The following PALM3 variants were observed in gnomAD, a reference collection of about 807,000 sequenced individuals.
The protein encoded by PALM3 is paralemmin 3.
PALM3 carries 20 observed loss-of-function variants against 27.9 expected under a neutral mutation model. That is an observed-to-expected ratio of 0.72 (90% CI 0.50 to 1.04). PALM3 has a LOEUF of 1.04. PALM3 is among the 50% of genes least tolerant of loss of function. The pLI, the probability that PALM3 is intolerant of heterozygous loss-of-function variation, is 0.00. For synonymous variants in PALM3, 328 were observed against 352.7 expected (o/e 0.93, Z 0.79); for missense variants, 814 against 869.4 (o/e 0.94, Z 0.80).
chr19:14,057,664 C>T lies in PALM3; in HGVS notation c.91-233G>A, dbSNP rs1403202184. Reference sequence around the variant, plus strand: ...GGGGGGGGCGGGGCGGGGGCGGGGCCGGCCGCGCCCGGGATGCTGCGGAGG... The same window carrying T: ...GGGGGGGGCGGGGCGGGGGCGGGGCTGGCCGCGCCCGGGATGCTGCGGAGG... On this transcript the variant is annotated intron_variant, in intron 2 of 6. Transcript: ENST00000669674. 4.3e-5 allele frequency: 7 copies of T among 161,678 alleles called. No individual in the cohort carries two copies. The Admixed American group carries it at 4.4e-4, about 10-fold the overall frequency. The allele number at this position is 161,678 out of a possible 1,614,324, so 10.0% of individuals were successfully genotyped here. A position where few individuals can be genotyped will look rare whatever the true frequency, so the allele number is the denominator to read the frequency against.
Position 14,053,681 on chromosome 19 carries a change from T to G in PALM3, c.1991A>C (p.Glu664Ala). Residue 664 changes from glutamate (E) to alanine (A), a missense_variant, in exon 7 of 7, where the codon GAG (glutamate) becomes GCG (alanine). Physicochemically the swap from Glu to Ala is moderately radical, Grantham distance 107. Transcript: ENST00000669674. The part of the protein sequence containing the change: ...VPTYAPARQP[E>A]PSAPTEGEEA... ...TTCACCCTCGGTGGGGGCAGATGGCTCAGGCTGCCGGGCAGGCGCGTAGGT... is the reference window on the plus strand; with the variant it reads ...TTCACCCTCGGTGGGGGCAGATGGCGCAGGCTGCCGGGCAGGCGCGTAGGT... 2 of 1,484,526 alleles carry G rather than the reference T, an allele frequency of 1.3e-6. No individual in the cohort carries two copies. The highest frequency in any genetic ancestry group is 1.8e-6 in the Non-Finnish European group (2 of 1,118,126). The allele number at this position is 1,484,526 out of a possible 1,614,324, so 92.0% of individuals were successfully genotyped here.
intron 1 of PALM3, among the ~76,000 whole-genome samples, chr19:14,060,116 G>T (rs1367962717): frequency 6.6e-6 from 1 of 152,008 alleles, no homozygotes; most frequent in Non-Finnish European, 1.5e-5. Context: ...TATCTAGAAA[G>T]CGATGTCTCT....
Position 14,053,879 on chromosome 19 carries a change from C to A in PALM3, c.1793G>T (p.Gly598Val). ...EGPQPQEKPV[G>V]ALEEEGVKPQ... ...CTTCACTCCTTCCTCCTCCAGGGCT[C>A]CTACTGGCTTCTCCTGGGGCTGGGG... is the stretch of plus-strand genomic sequence containing the variant. Residue 598 changes from glycine (G) to valine (V), a missense_variant, in exon 7 of 7, where the codon GGA becomes GTA. By Grantham distance (109) the Gly-to-Val change is moderately radical. Transcript: ENST00000669674. 6.4e-7 allele frequency: 1 copy of A among 1,551,630 alleles called. No homozygotes were observed. The highest frequency in any genetic ancestry group is 1.4e-5 in the African/African-American group (1 of 73,118).
Position 14,055,308 on chromosome 19 carries a change from C to A in PALM3, c.445+72G>T. The A allele has an allele frequency of 3.5e-6, 5 of 1,411,480 alleles. No individual in the cohort carries two copies. The South Asian group carries it at 6.5e-5, about 18-fold the overall frequency. The allele number at this position is 1,411,480 out of a possible 1,614,324, so 87.4% of individuals were successfully genotyped here. ...AACAAAAGGACTGCCATCCACACTC[C>A]CCTTGAGTCACCCTCTCACACCCAG... On this transcript the variant is annotated intron_variant, in intron 6 of 6. Coordinates refer to ENST00000669674, the MANE Select transcript of PALM3 (RefSeq NM_001145028.2).
chr19:14,054,509 TCTC>T lies in PALM3; in HGVS notation c.1160_1162del (p.Gly387del), dbSNP rs1448413636. 3 of 1,550,974 alleles carry T rather than the reference TCTC, an allele frequency of 1.9e-6. No homozygotes were observed. The highest frequency in any genetic ancestry group is 2.4e-5 in the South Asian group (2 of 83,960). On this transcript the variant is annotated inframe_deletion, in exon 7 of 7. Transcript: ENST00000669674. Reference sequence around the variant, plus strand: ...CCCCTCGGCCCCCAGCGGGCTTTCATCTCCTCTCTCCCTCCCTGCCACCTCGGG... The same window carrying T: ...CCCCTCGGCCCCCAGCGGGCTTTCATCTCTCTCCCTCCCTGCCACCTCGGG...
At position 14,057,878 on chromosome 19, in the gene PALM3, C is replaced by G. The variant is rs557255116; in HGVS notation, c.91-447G>C. Among the ~76,000 whole-genome samples the G allele has an allele frequency of 6.6e-4, 100 of 152,210 alleles. 1 individual carries two copies. The South Asian group carries it at 7.9e-3, about 12-fold the overall frequency. ...ATCCCAGGACTTTGGGAGACCGAGG[C>G]GGACAGATCGCTTGAGGTCAGGAGT... is the stretch of plus-strand genomic sequence containing the variant. On this transcript the variant is annotated intron_variant, in intron 2 of 6. Coordinates refer to ENST00000669674, the MANE Select transcript of PALM3 (RefSeq NM_001145028.2).
Position 14,062,010 on chromosome 19 carries a change from C to T in PALM3, c.-30G>A, listed in dbSNP as rs996253338. ...GCCCAGAAGTTCACTTTCTGGTCTC[C>T]GAGTTCTGGACCCACCACCCGCTTG... On this transcript the variant is annotated 5_prime_UTR_variant, in exon 1 of 7. Transcript: ENST00000669674. The T allele has an allele frequency of 1.7e-4, 165 of 985,156 alleles. 1 individual carries two copies. In the African/African-American group the frequency reaches 2.2e-3, roughly 13 times the overall value. The allele number at this position is 985,156 out of a possible 1,614,324, so 61.0% of individuals were successfully genotyped here.
At chr19:14,056,068 C>T (rs546168548) in intron 5 of PALM3, among the ~76,000 whole-genome samples, 81 of 152,250 alleles carry the variant, frequency 5.3e-4, no homozygotes, top group African/African-American at 9.6e-4. Context: ...ACCACCATAC[C>T]GAGCTAATTT....
intron 5 of PALM3, 40 bp downstream of exon 5, chr19:14,056,363 TCCATGTCCTGCCTTGAGGCCTGCTGG>T: frequency 6.9e-7 from 1 of 1,444,340 alleles, no homozygotes; most frequent in Non-Finnish European, 9.5e-7. Flanking sequence ...CATTCCTGAT[TCCATGTCCTGCCTTGAGGCCTGCTGG>T]CCATGCCCTC....
Position 14,055,094 on chromosome 19 carries a change from C to T in PALM3, c.578G>A (p.Gly193Glu). The T allele has an allele frequency of 6.4e-7, 1 of 1,551,582 alleles. No individual in the cohort carries two copies. Among genetic ancestry groups the T allele is most frequent in the East Asian group, 2.4e-5 (1 of 40,926 alleles). ...TGGGCCATTGGCTTCTGAGGAGTCT[C>T]CTGCTGCCCCGGGGACCTGCCTCGG... is the stretch of plus-strand genomic sequence containing the variant. ...PGPRQVPGAA[G>E]DSSEANGPCP... Residue 193 changes from glycine to glutamate, a missense_variant, in exon 7 of 7, where the codon GGA (glycine) becomes GAA (glutamate). Gly to Glu is a moderately conservative substitution (Grantham distance 98). Coordinates refer to ENST00000669674, the MANE Select transcript of PALM3 (RefSeq NM_001145028.2).
chr19:14,061,842 G>T, intron 1 of PALM3, 98 bp downstream of exon 1: 1 of 787,308 alleles, frequency 1.3e-6, no homozygotes, highest in Non-Finnish European at 1.5e-6. Context: ...CCTTAGGAGA[G>T]ACCACTGGAG....
intron 1 of PALM3, among the ~76,000 whole-genome samples, chr19:14,060,206 G>A (rs1976392822): frequency 6.6e-6 from 1 of 151,994 alleles, no homozygotes; most frequent in Non-Finnish European, 1.5e-5. Flanking sequence ...CACCCTACTG[G>A]GTAAGCCTCA....
intron 6 of PALM3, 23 bp downstream of exon 6, chr19:14,055,357 G>A: frequency 6.5e-7 from 1 of 1,549,638 alleles, no homozygotes; most frequent in Non-Finnish European, 8.7e-7. Context: ...CTGACCCCCA[G>A]ACCTAGGGGC....
chr19:14,053,680 C>T lies in PALM3; in HGVS notation c.1992G>A (p.Glu664=), dbSNP rs952937449. The change falls in exon 7 of 7, where the codon GAG becomes GAA. Residue 664 remains glutamate (E), a synonymous_variant. Coordinates refer to ENST00000669674, the MANE Select transcript of PALM3 (RefSeq NM_001145028.2). ...CTTCACCCTCGGTGGGGGCAGATGG[C>T]TCAGGCTGCCGGGCAGGCGCGTAGG... ...VPTYAPARQP[E]PSAPTEGEEA... The T allele has an allele frequency of 2.0e-6, 3 of 1,483,928 alleles. No individual in the cohort carries two copies. Among genetic ancestry groups the T allele is most frequent in the Non-Finnish European group, 2.7e-6 (3 of 1,117,920 alleles). 91.9% of individuals were successfully genotyped at this position (1,483,928 alleles called of 1,614,324 possible). A position where few individuals can be genotyped will look rare whatever the true frequency, so the allele number is the denominator to read the frequency against.
At position 14,054,801 on chromosome 19, in the gene PALM3, C is replaced by T; in HGVS notation, c.871G>A (p.Val291Met). ...CTGCCACCCACCCCCTCCCAGACCACCTCCACGATGCCCCTGTCCTCCTTC... is the reference window on the plus strand; with the variant it reads ...CTGCCACCCACCCCCTCCCAGACCATCTCCACGATGCCCCTGTCCTCCTTC... Reference protein sequence around the residue: ...WVKEDRGIVEVVWEGVGGSDA... With the variant: ...WVKEDRGIVEMVWEGVGGSDA... Residue 291 changes from valine (V) to methionine (M), a missense_variant, in exon 7 of 7, where the codon GTG (valine) becomes ATG (methionine). By Grantham distance (21) the Val-to-Met change is conservative. Coordinates refer to ENST00000669674, the MANE Select transcript of PALM3 (RefSeq NM_001145028.2). 6.5e-7 allele frequency: 1 copy of T among 1,550,078 alleles called. No homozygotes were observed. Among genetic ancestry groups the T allele is most frequent in the South Asian group, 1.2e-5 (1 of 83,766 alleles).
chr19:14,059,833 T>A (rs942590828), intron 1 of PALM3, among the ~76,000 whole-genome samples: 2 of 152,262 alleles, frequency 1.3e-5, no homozygotes, highest in East Asian at 3.9e-4. Flanking sequence ...ACTGGGTCAC[T>A]CTGCCTAGGA....
chr19:14,054,291 C>G lies in PALM3; in HGVS notation c.1381G>C (p.Glu461Gln). 1 of 1,552,308 alleles carries G rather than the reference C, an allele frequency of 6.4e-7. No homozygotes were observed. Among genetic ancestry groups the G allele is most frequent in the Non-Finnish European group, 8.7e-7 (1 of 1,147,142 alleles). The part of the protein sequence containing the change: ...SRGSAEKLGT[E>Q]REGGEEPLGI... ...AGTGGTTCCTCACCTCCTTCCCTCT[C>G]TGTTCCCAGCTTTTCTGCACTTCCT... is the stretch of plus-strand genomic sequence containing the variant. Residue 461 changes from glutamate to glutamine, a missense_variant, in exon 7 of 7, where the codon GAG (glutamate) becomes CAG (glutamine). Physicochemically the swap from Glu to Gln is conservative, Grantham distance 29 (BLOSUM62 2). Coordinates refer to ENST00000669674, the MANE Select transcript of PALM3 (RefSeq NM_001145028.2).
Position 14,059,154 on chromosome 19 carries a change from C to T in PALM3, c.51G>A (p.Ala17=), listed in dbSNP as rs1426214814. 2.5e-5 allele frequency: 36 copies of T among 1,436,296 alleles called. No homozygotes were observed. The highest frequency in any genetic ancestry group is 3.3e-5 in the Non-Finnish European group (36 of 1,095,914). 89.0% of individuals were successfully genotyped at this position (1,436,296 alleles called of 1,614,324 possible). ...VWSLATPMPM[A]ESSLYRQRLE... Reference sequence around the variant, plus strand: ...GCCGCTGCCGGTAGAGGGAGCTCTCCGCCATGGGCCTGTTGGGAGAGGGCA... The same window carrying T: ...GCCGCTGCCGGTAGAGGGAGCTCTCTGCCATGGGCCTGTTGGGAGAGGGCA... Residue 17 remains alanine, a synonymous_variant, in exon 2 of 7, where the codon GCG becomes GCA. Coordinates refer to ENST00000669674, the MANE Select transcript of PALM3 (RefSeq NM_001145028.2).
At position 14,055,783 on chromosome 19, in the gene PALM3, C is replaced by G. The variant is rs535353518; in HGVS notation, c.400-358G>C. ...ATTTTTTTTTTGAGATGGAGTCTTGCTGTGTCGCCCAGGCTGGAGTGCAGT... is the reference window on the plus strand; with the variant it reads ...ATTTTTTTTTTGAGATGGAGTCTTGGTGTGTCGCCCAGGCTGGAGTGCAGT... On this transcript the variant is annotated intron_variant, in intron 5 of 6. Transcript: ENST00000669674. Among the ~76,000 whole-genome samples, 4 of 152,218 alleles carry G rather than the reference C, an allele frequency of 2.6e-5. No homozygotes were observed. The South Asian group carries it at 6.2e-4, about 24-fold the overall frequency.
Sources: allele counts gnomAD v4.1 joint callset (sites outside exome capture counted in the v4.1 genomes callset), GRCh38; gene constraint gnomAD v4.1.1; transcripts MANE v1.5; gene names NCBI Gene and HGNC (gene_info 2026-07-23, HGNC 2026-07-21).